The following ZPBP variants were observed in gnomAD, a reference collection of about 807,000 sequenced individuals.
ZPBP encodes the protein zona pellucida binding protein, also known as zona pellucida-binding protein 1.
A neutral mutation model predicts 44.8 loss-of-function variants in ZPBP; 26 were observed. The observed-to-expected ratio is 0.58, with a 90% CI of 0.43 to 0.81. The LOEUF (loss-of-function observed/expected upper bound fraction) is 0.81, where lower values mean the gene tolerates loss of function less well. ZPBP is among the 30% of genes least tolerant of loss of function. The pLI, the probability that ZPBP is intolerant of heterozygous loss-of-function variation, is 0.00. For synonymous variants in ZPBP, 174 were observed against 153.2 expected (o/e 1.14, Z -1.00); for missense variants, 409 against 434.0 (o/e 0.94, Z 0.51).
chr7:49,899,273 A>G (rs909163117), intron 2 of ZPBP, among the ~76,000 whole-genome samples: 7 of 152,058 alleles, frequency 4.6e-5, no homozygotes, highest in Non-Finnish European at 1.0e-4. Context: ...TGATTTATGT[A>G]CCAGGAAAGA....
chr7:49,947,487 G>T (rs181636506), intron 7 of ZPBP, among the ~76,000 whole-genome samples: 1 of 152,290 alleles, frequency 6.6e-6, no homozygotes, highest in Admixed American at 6.5e-5. Context: ...GAGGTTTTGG[G>T]TAAGATTCAG....
chr7:50,054,271 A>T (rs1167987518), intron 4 of ZPBP, among the ~76,000 whole-genome samples: 1 of 152,192 alleles, frequency 6.6e-6, no homozygotes, highest in African/African-American at 2.4e-5. Flanking sequence ...ACAAAAAAAA[A>T]ATTGAAACTT....
At chr7:49,906,824 AT>A (rs74978076) in intron 1 of ZPBP, among the ~76,000 whole-genome samples, 28,252 of 152,168 alleles carry the variant, frequency 0.19, 3,757 homozygotes, top group East Asian at 0.63. Context: ...GTTTTAAATC[AT>A]TTTAACACTT....
chr7:49,865,812 AC>A (rs1306470616), intron 2 of ZPBP, among the ~76,000 whole-genome samples: 1 of 152,120 alleles, frequency 6.6e-6, no homozygotes, highest in Non-Finnish European at 1.5e-5. Flanking sequence ...TTATCCCAGC[AC>A]CCAGAATGCT....
intron 5 of ZPBP, among the ~76,000 whole-genome samples, chr7:50,030,757 T>G (rs1799570951): frequency 6.6e-6 from 1 of 152,174 alleles, no homozygotes; most frequent in Non-Finnish European, 1.5e-5. Flanking sequence ...GGACGGTTCC[T>G]CTGGTCTATG....
intron 6 of ZPBP, among the ~76,000 whole-genome samples, chr7:49,991,801 T>C (rs995143810): frequency 6.6e-6 from 1 of 152,032 alleles, no homozygotes; most frequent in Non-Finnish European, 1.5e-5. Flanking sequence ...ATTTTTAGCC[T>C]TGTGGTGTCC....
intron 7 of ZPBP, among the ~76,000 whole-genome samples, chr7:49,974,996 C>T (rs976848479): frequency 6.6e-6 from 1 of 152,068 alleles, no homozygotes; most frequent in African/African-American, 2.4e-5. Flanking sequence ...TTGCTTTTAT[C>T]CTCTAGACCC....
intron 6 of ZPBP, among the ~76,000 whole-genome samples, chr7:49,995,619 T>C (rs1285681827): frequency 1.3e-5 from 2 of 152,230 alleles, no homozygotes; most frequent in Non-Finnish European, 2.9e-5. Flanking sequence ...TCTGCAATCC[T>C]CCCAAGAATT....
chr7:49,902,019 C>A (rs903688975), intron 1 of ZPBP, among the ~76,000 whole-genome samples: 5 of 148,226 alleles, frequency 3.4e-5, no homozygotes, highest in Non-Finnish European at 5.9e-5. Flanking sequence ...GACTTTACAC[C>A]CTTCATAAAA....
intron 7 of ZPBP, among the ~76,000 whole-genome samples, chr7:49,982,424 G>T (rs1237480435): frequency 7.1e-6 from 1 of 141,462 alleles, no homozygotes; most frequent in Admixed American, 7.8e-5. Context: ...ACAGTTGGAA[G>T]TCATTTGTTT....
chr7:50,018,844 A>G (rs1189349357), intron 5 of ZPBP, among the ~76,000 whole-genome samples: 2 of 151,998 alleles, frequency 1.3e-5, no homozygotes, highest in Non-Finnish European at 2.9e-5. Context: ...TTTATTTAAT[A>G]AATAATTGCC....
chr7:49,979,854 AT>A (rs1796703996), intron 7 of ZPBP, among the ~76,000 whole-genome samples: 4 of 5,460 alleles, frequency 7.3e-4, no homozygotes, highest in African/African-American at 2.4e-3. Flanking sequence ...TATAAAATAT[AT>A]ATAATATAAT....
At chr7:50,049,750 TATGAGAAAGGTAATG>T (rs1185236697) in intron 4 of ZPBP, among the ~76,000 whole-genome samples, 1 of 151,844 alleles carries the variant, frequency 6.6e-6, no homozygotes, top group Non-Finnish European at 1.5e-5. Context: ...CCCCTAATAT[TATGAGAAAGGTAATG>T]ATGCCCACTC....
chr7:49,859,555 C>G (rs1479193551), intron 2 of ZPBP, among the ~76,000 whole-genome samples: 2 of 152,192 alleles, frequency 1.3e-5, no homozygotes, highest in Non-Finnish European at 2.9e-5. Context: ...TCAGTACATC[C>G]TCTGTCATGT....
At chr7:50,059,722 T>C (rs1350259712) in intron 3 of ZPBP, among the ~76,000 whole-genome samples, 2 of 152,056 alleles carry the variant, frequency 1.3e-5, no homozygotes, top group African/African-American at 4.8e-5. Context: ...GAGAAAGCAA[T>C]TAATAAGTGT....
chr7:49,886,920 G>C (rs1583756691), intron 2 of ZPBP, among the ~76,000 whole-genome samples: 1 of 151,714 alleles, frequency 6.6e-6, no homozygotes, highest in Non-Finnish European at 1.5e-5. Flanking sequence ...CTACTTTATG[G>C]GTCCTTTTTA....
intron 2 of ZPBP, among the ~76,000 whole-genome samples, chr7:49,881,807 T>A (rs1791676789): frequency 1.3e-5 from 2 of 152,090 alleles, no homozygotes; most frequent in Non-Finnish European, 2.9e-5. Context: ...TAATAATAAT[T>A]AAAATAATTC....
the ZPBP span, among the ~76,000 whole-genome samples, chr7:49,843,899 G>T: frequency 1.2e-3 from 187 of 152,380 alleles, no homozygotes; most frequent in African/African-American, 4.4e-3. Flanking sequence ...ATCCCTGATA[G>T]ATGGAGAGAT....
At chr7:49,955,798 C>T (rs1438991397) in intron 7 of ZPBP, among the ~76,000 whole-genome samples, 4 of 151,940 alleles carry the variant, frequency 2.6e-5, no homozygotes, top group Admixed American at 1.3e-4. Context: ...AATGAGAAAA[C>T]ATCACTACAG....
Sources: allele counts gnomAD v4.1 joint callset (sites outside exome capture counted in the v4.1 genomes callset), GRCh38; gene constraint gnomAD v4.1.1; transcripts MANE v1.5; gene names NCBI Gene and HGNC (gene_info 2026-07-23, HGNC 2026-07-21).